Variants in SCN3B observed in about 807,000 individuals in gnomAD.
SCN3B encodes sodium voltage-gated channel beta subunit 3.
SCN3B carries 11 observed loss-of-function variants against 25.4 expected under a neutral mutation model. The observed-to-expected ratio is 0.43, with a 90% confidence interval of 0.27 to 0.72. The LOEUF is 0.72. Ranked by LOEUF, SCN3B falls within the 30% of genes least tolerant of loss-of-function variation. The pLI is 0.18. For synonymous variants in SCN3B, 109 were observed against 110.7 expected, an observed-to-expected ratio of 0.99 and a Z score of 0.09; for missense variants, 218 against 278.3, an observed-to-expected ratio of 0.78 and a Z score of 1.54.
At position 123,653,745 on chromosome 11, in the gene SCN3B, A is replaced by G; in HGVS notation, c.55+2T>C. Reference sequence around the variant, plus strand: ...CCGGCATGGCGAGGTGCTGGTACTTACCCCAGTAGATAAGCACGAGAGAAG... The same window carrying G: ...CCGGCATGGCGAGGTGCTGGTACTTGCCCCAGTAGATAAGCACGAGAGAAG... On this transcript the variant is annotated splice_donor_variant, in intron 2 of 6. Coordinates refer to ENST00000299333, the MANE Select transcript of SCN3B (RefSeq NM_001040151.2). LOFTEE classifies it high-confidence loss of function. 1 of 1,614,108 alleles carries G rather than the reference A, an allele frequency of 6.2e-7. No individual in the cohort carries two copies. Among genetic ancestry groups the G allele is most frequent in the Non-Finnish European group, 8.5e-7 (1 of 1,179,986 alleles).
chr11:123,642,529 T>G lies in SCN3B; in HGVS notation c.362A>C (p.Asn121Thr), dbSNP rs776930951. Residue 121 changes from asparagine (N) to threonine (T), a missense_variant, in exon 4 of 7, where the codon AAT becomes ACT. Asn to Thr is a moderately conservative substitution (Grantham distance 65, BLOSUM62 0). Transcript: ENST00000299333. The surrounding 1 kb of genome is among the most constrained non-coding windows in gnomAD (Gnocchi z 4.3). ...CTCAAACTCAAACTCCCGGGACACA[T>G]TGCAGGTGTAGAGGCCAGAGTCGTT... ...TLNDSGLYTC[N>T]VSREFEFEAH... The G allele has an allele frequency of 1.9e-6, 3 of 1,614,028 alleles. No individual in the cohort carries two copies. The South Asian group carries it at 3.3e-5, about 18-fold the overall frequency.
chr11:123,638,843 G>A (rs75474128), intron 4 of SCN3B: 7,685 of 190,350 alleles, frequency 0.04, 217 homozygotes, highest in Non-Finnish European at 0.059. Context: ...GGGAGAGAGC[G>A]TTGGAAAACT....
chr11:123,634,247 C>G (rs776143370), intron 5 of SCN3B, 41 bp from the exon 6 acceptor site: 2 of 1,563,908 alleles, frequency 1.3e-6, no homozygotes, highest in South Asian at 1.1e-5. Context: ...GCTTCAGTGC[C>G]CAGCGTGGGA....
chr11:123,643,767 C>T (rs896725346), intron 3 of SCN3B, among the ~76,000 whole-genome samples: 1 of 152,254 alleles, frequency 6.6e-6, no homozygotes, highest in African/African-American at 2.4e-5. Flanking sequence ...GGTACATGAC[C>T]AGGCCTGAAG....
rs142001339 is a variant in SCN3B, at chr11:123,633,990, C to T, written c.*22+131G>A. On this transcript the variant is annotated intron_variant, in intron 6 of 6. Coordinates refer to ENST00000299333, the MANE Select transcript of SCN3B (RefSeq NM_001040151.2). ...CTGACTTAAAGAATTACCCTGAGGG[C>T]GGGGACCCCAGGCAGGGTAGACAGT... is the stretch of plus-strand genomic sequence containing the variant. 2.9e-4 allele frequency: 203 copies of T among 703,836 alleles called. No individual in the cohort carries two copies. In the African/African-American group the frequency reaches 3.1e-3, roughly 11 times the overall value. The allele number at this position is 703,836 out of a possible 1,614,324, so 43.6% of individuals were successfully genotyped here.
Position 123,642,318 on chromosome 11 carries a change from A to T in SCN3B, c.445+128T>A. The T allele has an allele frequency of 1.2e-6, 1 of 869,188 alleles. No individual in the cohort carries two copies. Among genetic ancestry groups the T allele is most frequent in the Non-Finnish European group, 1.9e-6 (1 of 528,050 alleles). The allele number at this position is 869,188 out of a possible 1,614,324, so 53.8% of individuals were successfully genotyped here. ...AAGATGGGTCAATGGTGACATTTTT[A>T]GATGTCACCATTCCAAATACATGGG... On this transcript the variant is annotated intron_variant, in intron 4 of 6. Transcript: ENST00000299333. This position sits in a 1 kb window ranked among gnomAD's most constrained non-coding sequence, Gnocchi z 4.3.
At chr11:123,652,623 T>A (rs569058691) in intron 2 of SCN3B, among the ~76,000 whole-genome samples, 1 of 152,322 alleles carries the variant, frequency 6.6e-6, no homozygotes, top group East Asian at 1.9e-4. Context: ...GGTACAATTG[T>A]GTCCAATTAC....
Position 123,634,172 on chromosome 11 carries a change from C to G in SCN3B, c.619G>C (p.Glu207Gln). The G allele has an allele frequency of 1.2e-6, 2 of 1,613,910 alleles. No individual in the cohort carries two copies. Among genetic ancestry groups the G allele is most frequent in the East Asian group, 2.2e-5 (1 of 44,860 alleles). The stretch of plus-strand genomic sequence containing the variant: ...TCCTCCACTGGTACCGCAGAGTTCT[C>G]CTTGTTCTCAGATGGGATGGCAAGG... ...DYLAIPSENK[E>Q]NSAVPVEE The change falls in exon 6 of 7, where the codon GAG becomes CAG. Residue 207 changes from glutamate to glutamine, a missense_variant. By Grantham distance (29) the Glu-to-Gln change is conservative (BLOSUM62 2). Transcript: ENST00000299333.
At chr11:123,649,423 C>T (rs891572809) in intron 2 of SCN3B, among the ~76,000 whole-genome samples, 1 of 152,106 alleles carries the variant, frequency 6.6e-6, no homozygotes, top group African/African-American at 2.4e-5. Flanking sequence ...AATCTAGTTT[C>T]AGGGCATGAG....
At chr11:123,647,464 T>C (rs188809197) in intron 2 of SCN3B, among the ~76,000 whole-genome samples, 35 of 152,122 alleles carry the variant, frequency 2.3e-4, no homozygotes, top group African/African-American at 7.9e-4. Context: ...GTTGACAGAG[T>C]AAGACCCTAT....
At position 123,634,137 on chromosome 11, in the gene SCN3B, C is replaced by A. The variant is rs1591341903; in HGVS notation, c.*6G>T. ...GTAGGTCACCTCATGTCACACTGCT[C>A]CTGTTCTATTCCTCCACTGGTACCG... On this transcript the variant is annotated 3_prime_UTR_variant, in exon 6 of 7. Transcript: ENST00000299333. 1 of 1,613,718 alleles carries A rather than the reference C, an allele frequency of 6.2e-7. No individual in the cohort carries two copies. Among genetic ancestry groups the A allele is most frequent in the South Asian group, 1.1e-5 (1 of 91,062 alleles).
rs765466963 is a variant in SCN3B at position 123,642,555 on chromosome 11, C to T, written c.336G>A (p.Leu112=). 1.2e-6 allele frequency: 2 copies of T among 1,613,250 alleles called. No individual in the cohort carries two copies. Among genetic ancestry groups the T allele is most frequent in the Admixed American group, 1.7e-5 (1 of 60,022 alleles). The part of the protein sequence containing the change: ...DVSITVLNVT[L]NDSGLYTCNV... ...TGCAGGTGTAGAGGCCAGAGTCGTT[C>T]AGAGTGACGTTGAGCACAGTGATGG... is the stretch of plus-strand genomic sequence containing the variant. The change falls in exon 4 of 7, where the codon CTG becomes CTA. Residue 112 remains leucine (L), a synonymous_variant. Transcript: ENST00000299333. The surrounding 1 kb of genome is among the most constrained non-coding windows in gnomAD (Gnocchi z 4.3).
chr11:123,645,802 G>A, intron 2 of SCN3B, 52 bp from the exon 3 acceptor site: 1 of 1,582,392 alleles, frequency 6.3e-7, no homozygotes, highest in Non-Finnish European at 8.7e-7. Flanking sequence ...TGGGGGAGGG[G>A]CACAGGAGAG....
At chr11:123,646,990 C>G (rs998637322) in intron 2 of SCN3B, among the ~76,000 whole-genome samples, 6 of 152,078 alleles carry the variant, frequency 3.9e-5, no homozygotes, top group Non-Finnish European at 5.9e-5. Context: ...AGCTTGGACA[C>G]AGAACATATC....
Position 123,632,542 on chromosome 11 carries a change from C to T in SCN3B, c.*1257G>A, listed in dbSNP as rs72552202. On this transcript the variant is annotated 3_prime_UTR_variant, in exon 7 of 7. Coordinates refer to ENST00000299333, the MANE Select transcript of SCN3B (RefSeq NM_001040151.2). ...GTGCCTCACGCCTGTAATCTCAGCA[C>T]TTTGGGAGGCTGAGGTGGGTGGGTC... 9,478 of 152,244 alleles carry T rather than the reference C, an allele frequency of 0.062. 557 individuals are homozygous for T. The highest frequency in any genetic ancestry group is 0.16 in the African/African-American group (6,604 of 41,526). The allele number at this position is 152,244 out of a possible 1,614,324, so 9.4% of individuals were successfully genotyped here.
chr11:123,644,803 ATATATATATATATATAT>A (rs1369654976), intron 3 of SCN3B, among the ~76,000 whole-genome samples: 47 of 23,886 alleles, frequency 2.0e-3, no homozygotes, highest in African/African-American at 0.012. Flanking sequence ...GAGAGAGAAT[ATATATATATATATATAT>A]ATATATATAT....
intron 2 of SCN3B, among the ~76,000 whole-genome samples, chr11:123,651,354 A>G (rs1955923827): frequency 6.6e-6 from 1 of 151,466 alleles, no homozygotes; most frequent in Non-Finnish European, 1.5e-5. Flanking sequence ...GTATCTGTGA[A>G]GGGCGGCTGT....
rs1955687545 is a variant in SCN3B, at chr11:123,632,854, C to T, written c.*945G>A. 1 of 152,174 alleles carries T rather than the reference C, an allele frequency of 6.6e-6. No homozygotes were observed. The highest frequency in any genetic ancestry group is 2.1e-4 in the South Asian group (1 of 4,820). 9.4% of individuals were successfully genotyped at this position (152,174 alleles called of 1,614,324 possible). A position where few individuals can be genotyped will look rare whatever the true frequency, so the allele number is the denominator to read the frequency against. ...CCCAGGAAGTGTAAACTGGGCAGCA[C>T]CTAAGGCTTATTTCTGCTCCAGTTT... On this transcript the variant is annotated 3_prime_UTR_variant, in exon 7 of 7. Transcript: ENST00000299333.
rs1382545847 is a variant in SCN3B at position 123,629,811 on chromosome 11, G to C, written c.*3988C>G. On this transcript the variant is annotated 3_prime_UTR_variant, in exon 7 of 7. Transcript: ENST00000299333. ...ATTTACAAAATGAGGTGAGAGGAAG[G>C]CTTCTTTTGTTTTTGTTTTTCATTT... The C allele has an allele frequency of 1.3e-5, 2 of 151,870 alleles. No homozygotes were observed. Among genetic ancestry groups the C allele is most frequent in the African/African-American group, 2.4e-5 (1 of 41,164 alleles). 9.4% of individuals were successfully genotyped at this position (151,870 alleles called of 1,614,324 possible).
Sources: gnomAD v4.1 joint callset for allele counts (sites outside exome capture counted in the v4.1 genomes callset) on GRCh38, gnomAD v4.1.1 for gene constraint, Gnocchi (gnomAD v3.1) non-coding constraint, MANE v1.5 for transcripts, NCBI Gene and HGNC (gene_info 2026-07-23, HGNC 2026-07-21) for gene names.